Variants in DMD observed in about 807,000 individuals in gnomAD.
DMD encodes the protein mutant dystrophin.
In DMD, 63 loss-of-function variants were observed where a neutral mutation model predicts 330.1. The ratio of observed to expected loss-of-function variants is 0.19; its 90% CI spans 0.16 to 0.24. The LOEUF (loss-of-function observed/expected upper bound fraction) is 0.24. DMD is among the 10% of genes least tolerant of loss of function. The pLI is 1.00. For missense variants in DMD, 3,344 were observed against 2,684.1 expected (o/e 1.25, Z -5.43); for synonymous variants, 1,223 against 959.8 (o/e 1.27, Z -5.07).
intron 1 of DMD, among the ~76,000 whole-genome samples, chrX:33,198,522 T>C (rs1241796828): frequency 1.8e-5 from 2 of 111,673 alleles, no homozygotes; most frequent in African/African-American, 6.5e-5. Context: ...AAGTGCTTTG[T>C]CATATAAAAT....
chrX:31,940,143 T>C (rs1441193053), intron 45 of DMD, among the ~76,000 whole-genome samples: 1 of 110,951 alleles, frequency 9.0e-6, no homozygotes, highest in East Asian at 2.8e-4. Context: ...ATACAGTAAG[T>C]GTTACAGAGG....
intron 36 of DMD, among the ~76,000 whole-genome samples, chrX:32,363,413 C>A (rs2097844088): frequency 8.9e-6 from 1 of 111,840 alleles, no homozygotes; most frequent in Admixed American, 9.5e-5. Context: ...CTAGCACTTT[C>A]AAGTTCCTCT....
At chrX:31,957,746 A>G (rs2095260976) in intron 45 of DMD, among the ~76,000 whole-genome samples, 1 of 112,275 alleles carries the variant, frequency 8.9e-6, no homozygotes, top group Admixed American at 9.5e-5. Context: ...CTATGACAAC[A>G]TATAATTAGT....
chrX:32,795,591 A>G (rs1431977335), intron 7 of DMD, among the ~76,000 whole-genome samples: 1 of 112,147 alleles, frequency 8.9e-6, no homozygotes, highest in Non-Finnish European at 1.9e-5. Flanking sequence ...AAGCGCAGGC[A>G]ACAAAAACAT....
intron 31 of DMD, 79 bp from the exon 32 acceptor site, chrX:32,389,753 TG>T: frequency 3.1e-6 from 3 of 957,125 alleles, no homozygotes; most frequent in Non-Finnish European, 4.4e-6. Context: ...TTGATAGATC[TG>T]CCTTTATTTC....
chrX:32,855,559 G>A (rs1044386021), intron 2 of DMD, among the ~76,000 whole-genome samples: 4 of 111,747 alleles, frequency 3.6e-5, no homozygotes, highest in African/African-American at 9.8e-5. Context: ...AACATACACT[G>A]AAGAAAAGAC....
At chrX:33,219,195 C>G (rs1250503210) in intron 1 of DMD, among the ~76,000 whole-genome samples, 1 of 109,595 alleles carries the variant, frequency 9.1e-6, no homozygotes, top group African/African-American at 3.3e-5. Context: ...TAGCTCGTCC[C>G]CTTCTGACTG....
At chrX:32,472,134 T>A in intron 22 of DMD, 30 bp downstream of exon 22, 1 of 1,205,271 alleles carries the variant, frequency 8.3e-7, no homozygotes, top group Non-Finnish European at 1.1e-6. Flanking sequence ...AAGCGTGCTT[T>A]ATTGTTTTGA....
chrX:32,941,638 A>T (rs990787749), intron 2 of DMD, among the ~76,000 whole-genome samples: 3 of 110,818 alleles, frequency 2.7e-5, no homozygotes, highest in Non-Finnish European at 5.7e-5. Context: ...AACGATAGAC[A>T]CTAGGGATTA....
chrX:31,134,238 A>T (rs1419191741), intron 76 of DMD, 44 bp from the exon 77 acceptor site: 1 of 1,053,636 alleles, frequency 9.5e-7, no homozygotes, highest in African/African-American at 1.9e-5. Context: ...ACATTTATAG[A>T]AAACAGATAT....
At chrX:32,404,762 G>A (rs1161853823) in intron 30 of DMD, among the ~76,000 whole-genome samples, 5 of 111,681 alleles carry the variant, frequency 4.5e-5, no homozygotes, top group Non-Finnish European at 9.4e-5. Flanking sequence ...AAACATAGTT[G>A]TCACTGTCCC....
intron 36 of DMD, 97 bp from the exon 37 acceptor site, chrX:32,363,055 G>A (rs1426686449): frequency 1.3e-6 from 1 of 794,811 alleles, no homozygotes. Flanking sequence ...GCAAGTGAGC[G>A]AGAAGAGTGA....
chrX:33,330,929 G>A (rs920675350), intron 1 of DMD, among the ~76,000 whole-genome samples: 1 of 111,757 alleles, frequency 8.9e-6, no homozygotes, highest in African/African-American at 3.2e-5. Flanking sequence ...CAGCTTTACT[G>A]TCTGGGTTCA....
intron 63 of DMD, among the ~76,000 whole-genome samples, chrX:31,241,573 CTG>C (rs769841410): frequency 8.9e-6 from 1 of 111,829 alleles, no homozygotes; most frequent in East Asian, 2.8e-4. Flanking sequence ...TCACCATTCT[CTG>C]TGTCACCACG....
chrX:31,355,867 T>TA (rs1753537714), intron 60 of DMD, among the ~76,000 whole-genome samples: 1 of 65,168 alleles, frequency 1.5e-5, no homozygotes, highest in Admixed American at 1.9e-4. Flanking sequence ...ACTGAAAAAA[T>TA]AATAAAAAAA....
intron 1 of DMD, among the ~76,000 whole-genome samples, chrX:33,189,404 A>C (rs746229907): frequency 1.8e-5 from 2 of 111,837 alleles, no homozygotes; most frequent in South Asian, 7.5e-4. Context: ...AAATTGACAA[A>C]ATATGGTGAA....
At chrX:33,203,328 C>T (rs2051387123) in intron 1 of DMD, among the ~76,000 whole-genome samples, 1 of 112,000 alleles carries the variant, frequency 8.9e-6, no homozygotes, top group Non-Finnish European at 1.9e-5. Flanking sequence ...ACTGAAGGCT[C>T]ATTTCATTAT....
intron 53 of DMD, among the ~76,000 whole-genome samples, chrX:31,669,842 A>G (rs1018407194): frequency 4.2e-5 from 3 of 71,294 alleles, no homozygotes; most frequent in African/African-American, 1.5e-4. Context: ...TCAATTTCTG[A>G]AAAAAAAAAA....
At chrX:31,423,884 AAC>A (rs2063563289) in intron 60 of DMD, among the ~76,000 whole-genome samples, 1 of 111,593 alleles carries the variant, frequency 9.0e-6, no homozygotes, top group African/African-American at 3.3e-5. Flanking sequence ...ATATGGAGCC[AAC>A]AACAAACATC....
Sources: gnomAD v4.1 joint callset for allele counts (sites outside exome capture counted in the v4.1 genomes callset) on GRCh38, gnomAD v4.1.1 for gene constraint, MANE v1.5 for transcripts, NCBI Gene and HGNC (gene_info 2026-07-23, HGNC 2026-07-21) for gene names.